Variants in ZNF280D observed in about 807,000 individuals in gnomAD.
The protein encoded by ZNF280D is suppressor of hairy wing homolog 4.
ZNF280D carries 39 observed loss-of-function variants against 94.7 expected under a neutral mutation model. The ratio of observed to expected loss-of-function variants is 0.41; its 90% CI spans 0.32 to 0.54. The LOEUF is 0.54. Ranked by LOEUF, ZNF280D falls within the 20% of genes least tolerant of loss-of-function variation. The probability of loss-of-function intolerance (pLI) is 0.22; values close to 1 mark genes in which losing one functional copy is unlikely to be tolerated. For synonymous variants in ZNF280D, 398 were observed against 377.6 expected (o/e 1.05, Z -0.63); for missense variants, 1,090 against 1,149.3 (o/e 0.95, Z 0.75).
intron 3 of ZNF280D, 58 bp downstream of exon 3, chr15:56,707,024 G>A (rs765454575): frequency 1.1e-5 from 17 of 1,531,238 alleles, no homozygotes; most frequent in Non-Finnish European, 1.4e-5. Flanking sequence ...CCTTTCTCCT[G>A]AGGTAAAGTG....
At chr15:56,669,091 A>G (rs1009698614) in intron 13 of ZNF280D, 134 bp from the exon 14 acceptor site, 2 of 741,630 alleles carry the variant, frequency 2.7e-6, no homozygotes, top group Admixed American at 6.6e-5. Flanking sequence ...TCCTATCATA[A>G]TAATATAAAA....
intron 14 of ZNF280D, chr15:56,667,890 T>C: frequency 5.5e-6 from 1 of 183,286 alleles, no homozygotes; most frequent in Non-Finnish European, 1.1e-5. Context: ...TATGAAAAAG[T>C]ACACTGAAAG....
intron 11 of ZNF280D, 95 bp from the exon 12 acceptor site, chr15:56,677,769 A>G: frequency 2.4e-6 from 1 of 409,142 alleles, no homozygotes; most frequent in South Asian, 5.5e-5. Flanking sequence ...CAGTAGCAGT[A>G]GGGACAGTTG....
rs1425866751 is a variant in ZNF280D at position 56,652,973 on chromosome 15, G to T, written c.2213+1225C>A. ...ATATAAAAATAGACATCATAAAATA[G>T]ACATTAATAAATTTTGAGAACATAA... On this transcript the variant is annotated intron_variant, in intron 19 of 21. Coordinates refer to ENST00000267807, the MANE Select transcript of ZNF280D (RefSeq NM_017661.4). 38 of 912,634 alleles carry T rather than the reference G, an allele frequency of 4.2e-5. No homozygotes were observed. In the Admixed American group the frequency reaches 2.3e-3, roughly 55 times the overall value. The allele number at this position is 912,634 out of a possible 1,614,324, so 56.5% of individuals were successfully genotyped here. A position where few individuals can be genotyped will look rare whatever the true frequency, so the allele number is the denominator to read the frequency against.
intron 1 of ZNF280D, among the ~76,000 whole-genome samples, chr15:56,709,542 A>G (rs1435228552): frequency 2.6e-5 from 4 of 152,180 alleles, no homozygotes; most frequent in Admixed American, 6.5e-5. Flanking sequence ...TCATGTTGCT[A>G]TAAAGACACA....
intron 1 of ZNF280D, among the ~76,000 whole-genome samples, chr15:56,708,374 G>A (rs2057542858): frequency 6.6e-6 from 1 of 152,130 alleles, no homozygotes; most frequent in Admixed American, 6.5e-5. Context: ...TTGAATAGCT[G>A]TAGCTTGTCC....
intron 9 of ZNF280D, among the ~76,000 whole-genome samples, chr15:56,684,387 T>C (rs747253138): frequency 7.9e-5 from 12 of 152,148 alleles, no homozygotes; most frequent in African/African-American, 1.4e-4. Context: ...CGTGGAGCAG[T>C]TGCAGATGAA....
chr15:56,679,158 C>T (rs1485045735), intron 10 of ZNF280D, among the ~76,000 whole-genome samples: 1 of 151,946 alleles, frequency 6.6e-6, no homozygotes, highest in Non-Finnish European at 1.5e-5. Flanking sequence ...ATCCTATTTA[C>T]ATTTTAAAAT....
In ZNF280D at chr15:56,654,459, A is replaced by G. The variant is rs748993072; in HGVS notation, c.2102T>C (p.Val701Ala). ...VCLNCDFLSD[V>A]SGLDNMATHL... ...TGTAGCCATATTATCTAAGCCAGAA[A>G]CATCACTTAGGAAATCACAATTAAG... The change falls in exon 18 of 22, where the codon GTT becomes GCT. Residue 701 changes from valine to alanine, a missense_variant. Coordinates refer to ENST00000267807, the MANE Select transcript of ZNF280D (RefSeq NM_017661.4). 1.2e-6 allele frequency: 2 copies of G among 1,610,300 alleles called. No homozygotes were observed. Among genetic ancestry groups the G allele is most frequent in the Non-Finnish European group, 1.7e-6 (2 of 1,178,954 alleles).
At position 56,676,936 on chromosome 15, in the gene ZNF280D, G is replaced by A. The variant is rs1199825354; in HGVS notation, c.1264-120C>T. Reference sequence around the variant, plus strand: ...TATGTACTACTAATCTAGCTCTGATGCCTTTGCAACCAAGAATCTCACTAA... The same window carrying A: ...TATGTACTACTAATCTAGCTCTGATACCTTTGCAACCAAGAATCTCACTAA... On this transcript the variant is annotated intron_variant, in intron 12 of 21. Coordinates refer to ENST00000267807, the MANE Select transcript of ZNF280D (RefSeq NM_017661.4). 3 of 710,226 alleles carry A rather than the reference G, an allele frequency of 4.2e-6. No individual in the cohort carries two copies. In the African/African-American group the frequency reaches 5.4e-5, roughly 13 times the overall value. The allele number at this position is 710,226 out of a possible 1,614,324, so 44.0% of individuals were successfully genotyped here.
chr15:56,697,716 T>A (rs1187127691), intron 6 of ZNF280D: 1 of 152,180 alleles, frequency 6.6e-6, no homozygotes. Flanking sequence ...ATTGGTTATA[T>A]CTATCAATAT....
chr15:56,671,210 T>C (rs55849977), intron 13 of ZNF280D, among the ~76,000 whole-genome samples: 3,691 of 152,238 alleles, frequency 0.024, 159 homozygotes, highest in African/African-American at 0.085. Flanking sequence ...TTTGTTGCAA[T>C]TGCTTTTGGT....
intron 1 of ZNF280D, among the ~76,000 whole-genome samples, chr15:56,721,490 T>C (rs1384242598): frequency 1.3e-5 from 2 of 152,212 alleles, no homozygotes; most frequent in South Asian, 2.1e-4. Context: ...AGAAAATCTA[T>C]TGTTTAGTGT....
intron 4 of ZNF280D, among the ~76,000 whole-genome samples, chr15:56,702,057 A>T (rs1193439920): frequency 4.0e-5 from 6 of 148,982 alleles, no homozygotes; most frequent in Admixed American, 1.3e-4. Context: ...ACCAAATCTC[A>T]TAAAAATTTC....
At chr15:56,700,759 T>C (rs1041995113) in intron 6 of ZNF280D, 174 bp downstream of exon 6, 30 of 1,497,466 alleles carry the variant, frequency 2.0e-5, no homozygotes, top group East Asian at 1.7e-4. Flanking sequence ...CCTTCAGTTA[T>C]TACTTGGGGT....
In ZNF280D at chr15:56,666,862, G is replaced by A; in HGVS notation, c.1670C>T (p.Pro557Leu). The part of the protein sequence containing the change: ...PRTKNITAKN[P>L]AKSNTSKPNT... ...AGGTTTACTTGTATTAGATTTTGCAGGATTTTTAGCAGTTATATTTTTAGT... is the reference window on the plus strand; with the variant it reads ...AGGTTTACTTGTATTAGATTTTGCAAGATTTTTAGCAGTTATATTTTTAGT... The change falls in exon 15 of 22, where the codon CCT (proline) becomes CTT (leucine). Residue 557 changes from proline to leucine, a missense_variant. Physicochemically the swap from Pro to Leu is moderately conservative, Grantham distance 98. Transcript: ENST00000267807. 1 of 1,613,808 alleles carries A rather than the reference G, an allele frequency of 6.2e-7. No homozygotes were observed. Among genetic ancestry groups the A allele is most frequent in the Non-Finnish European group, 8.5e-7 (1 of 1,179,860 alleles).
rs773970805 is a variant in ZNF280D, at chr15:56,689,311, A to G, written c.659T>C (p.Met220Thr). Residue 220 changes from methionine to threonine, a missense_variant, in exon 8 of 22, where the codon ATG (methionine) becomes ACG (threonine). Transcript: ENST00000267807. Reference protein sequence around the residue: ...KSPSVTSSQAMLAKGTNTSSN... With the variant: ...KSPSVTSSQATLAKGTNTSSN... ...CATTTCATATTTACCTTTTGCTAGC[A>G]TAGCCTGGGAAGAAGTCACTGAAGG... 6.3e-6 allele frequency: 10 copies of G among 1,598,202 alleles called. No homozygotes were observed. Among genetic ancestry groups the G allele is most frequent in the Non-Finnish European group, 7.7e-6 (9 of 1,175,396 alleles).
intron 13 of ZNF280D, among the ~76,000 whole-genome samples, chr15:56,669,873 T>TTATA (rs71113014): frequency 2.4e-4 from 2 of 8,480 alleles, no homozygotes; most frequent in African/African-American, 8.3e-4. Context: ...TATATATATT[T>TTATA]TATATATATA....
chr15:56,665,498 G>A (rs1412647720), intron 16 of ZNF280D, among the ~76,000 whole-genome samples: 2 of 151,978 alleles, frequency 1.3e-5, no homozygotes, highest in African/African-American at 4.8e-5. Flanking sequence ...TAATGAAAAA[G>A]AATTCCAAAA....
Sources: gnomAD v4.1 joint callset for allele counts (sites outside exome capture counted in the v4.1 genomes callset) on GRCh38, gnomAD v4.1.1 for gene constraint, MANE v1.5 for transcripts, NCBI Gene and HGNC (gene_info 2026-07-23, HGNC 2026-07-21) for gene names.